CPSF7: variants seen among roughly 807,000 people sequenced by gnomAD.
CPSF7 encodes the protein cleavage and polyadenylation specificity factor subunit 7.
A neutral mutation model predicts 44.3 loss-of-function variants in CPSF7; 1 was observed. The observed-to-expected ratio is 0.02, with a 90% CI of 0.01 to 0.11. The LOEUF (loss-of-function observed/expected upper bound fraction) is 0.11, where lower values mean the gene tolerates loss of function less well. CPSF7 is among the 10% of genes least tolerant of loss of function. CPSF7 has a pLI of 1.00. For synonymous variants in CPSF7, 202 were observed against 222.0 expected (o/e 0.91, Z 0.80); for missense variants, 443 against 607.2 (o/e 0.73, Z 2.84).
intron 7 of CPSF7, among the ~76,000 whole-genome samples, chr11:61,413,635 A>G (rs1212545656): frequency 7.0e-6 from 1 of 142,010 alleles, no homozygotes; most frequent in African/African-American, 2.8e-5. Context: ...CTTCGTCTCA[A>G]AAAAAAAAAA....
chr11:61,423,679 C>G (rs1417374197), intron 2 of CPSF7, among the ~76,000 whole-genome samples: 3 of 151,960 alleles, frequency 2.0e-5, no homozygotes, highest in Non-Finnish European at 4.4e-5. Flanking sequence ...TTGTCTAGTA[C>G]CCTGAAGAAA....
rs1330908665 is a variant in CPSF7, at chr11:61,421,591, A to G, written c.72T>C (p.Asn24=). 1.2e-6 allele frequency: 2 copies of G among 1,613,466 alleles called. No homozygotes were observed. The highest frequency in any genetic ancestry group is 1.7e-6 in the Non-Finnish European group (2 of 1,179,876). The change falls in exon 3 of 10, where the codon AAT becomes AAC. Residue 24 remains asparagine (N), a synonymous_variant. Coordinates refer to ENST00000439958, the MANE Select transcript of CPSF7 (RefSeq NM_001142565.3). ...CATCATACAGGTCAATCTGATCTGT[A>G]TTGTTGAACTCTGGGTCCTAAGAGA... The part of the protein sequence containing the change: ...EEFNQDPEFN[N]TDQIDLYDDV...
intron 4 of CPSF7, 32 bp downstream of exon 4, chr11:61,420,438 A>T: frequency 6.4e-7 from 1 of 1,551,418 alleles, no homozygotes; most frequent in South Asian, 1.1e-5. Context: ...ATGGTTACAA[A>T]TTAAAAGGGG....
chr11:61,419,496 T>C (rs1590712377), intron 5 of CPSF7, among the ~76,000 whole-genome samples: 1 of 152,354 alleles, frequency 6.6e-6, no homozygotes, highest in Non-Finnish European at 1.5e-5. Context: ...TATGAAAAGA[T>C]TATAGGCACC....
rs1043651070 is a variant in CPSF7 at position 61,413,656 on chromosome 11, T to C, written c.1058-1719A>G. On this transcript the variant is annotated intron_variant, in intron 7 of 9. Coordinates refer to ENST00000439958, the MANE Select transcript of CPSF7 (RefSeq NM_001142565.3). ...CTCAAAAAAAAAAAAAAAAAATTTA[T>C]GCTGTCATAAAAAACTAGGCCTTTC... 5.9e-5 allele frequency among the ~76,000 whole-genome samples: 9 copies of C among 151,552 alleles called. No individual in the cohort carries two copies. In the South Asian group the frequency reaches 1.0e-3, roughly 18 times the overall value.
Position 61,404,396 on chromosome 11 carries a change from T to C in CPSF7, c.*314A>G, listed in dbSNP as rs1167099074. 1 of 152,620 alleles carries C rather than the reference T, an allele frequency of 6.6e-6. No homozygotes were observed. The highest frequency in any genetic ancestry group is 2.4e-5 in the African/African-American group (1 of 41,434). The allele number at this position is 152,620 out of a possible 1,614,324, so 9.5% of individuals were successfully genotyped here. On this transcript the variant is annotated 3_prime_UTR_variant, in exon 10 of 10. Transcript: ENST00000439958. ...CGGCTCCCGGAGAATCAGAAACTCATACGTTTTCTTGGACAAAGCACCATT... is the reference window on the plus strand; with the variant it reads ...CGGCTCCCGGAGAATCAGAAACTCACACGTTTTCTTGGACAAAGCACCATT...
intron 7 of CPSF7, among the ~76,000 whole-genome samples, chr11:61,413,930 C>T (rs527741600): frequency 9.3e-4 from 142 of 152,172 alleles, no homozygotes; most frequent in African/African-American, 3.3e-3. Flanking sequence ...TCCATCCTGG[C>T]AGGGAATTTT....
chr11:61,419,960 T>A lies in CPSF7; in HGVS notation c.512A>T (p.Gln171Leu), dbSNP rs1281252280. ...TRQNLSQFEA[Q>L]ARKRIPPRAH... ...TCGGACACACTCACGTTTCCGAGCCTGTGCCTCAAACTGTGACAGGTTCTG... is the reference window on the plus strand; with the variant it reads ...TCGGACACACTCACGTTTCCGAGCCAGTGCCTCAAACTGTGACAGGTTCTG... The change falls in exon 5 of 10, where the codon CAG becomes CTG. Residue 171 changes from glutamine to leucine, a missense_variant. By Grantham distance (113) the Gln-to-Leu change is moderately radical. Coordinates refer to ENST00000439958, the MANE Select transcript of CPSF7 (RefSeq NM_001142565.3). 1 of 1,613,780 alleles carries A rather than the reference T, an allele frequency of 6.2e-7. No homozygotes were observed. The highest frequency in any genetic ancestry group is 8.5e-7 in the Non-Finnish European group (1 of 1,179,968).
intron 7 of CPSF7, 36 bp downstream of exon 7, chr11:61,415,630 T>C (rs779546119): frequency 7.3e-7 from 1 of 1,365,424 alleles, no homozygotes; most frequent in Non-Finnish European, 1.0e-6. Flanking sequence ...AAAGTAAAGG[T>C]TAAGGAGAAG....
intron 9 of CPSF7, among the ~76,000 whole-genome samples, chr11:61,404,931 T>C (rs754141444): frequency 1.3e-5 from 2 of 152,084 alleles, no homozygotes; most frequent in Non-Finnish European, 2.9e-5. Context: ...AAAAAAGCAG[T>C]GACATCCACT....
At position 61,429,935 on chromosome 11, in the gene CPSF7, G is replaced by T. The variant is rs1443775666; in HGVS notation, c.-77C>A. ...TTACCGGGAATATGGCGGCGGCGGC[G>T]GCGAGTCCGGACTAGGCCCGAAGCG... On this transcript the variant is annotated 5_prime_UTR_variant, in exon 1 of 10. Coordinates refer to ENST00000439958, the MANE Select transcript of CPSF7 (RefSeq NM_001142565.3). The T allele has an allele frequency of 3.5e-6, 5 of 1,432,012 alleles. No homozygotes were observed. The African/African-American group carries it at 5.8e-5, about 17-fold the overall frequency. The allele number at this position is 1,432,012 out of a possible 1,614,324, so 88.7% of individuals were successfully genotyped here. A position where few individuals can be genotyped will look rare whatever the true frequency, so the allele number is the denominator to read the frequency against.
intron 1 of CPSF7, 22 bp downstream of exon 1, chr11:61,429,892 C>T: frequency 6.6e-7 from 1 of 1,516,222 alleles, no homozygotes; most frequent in Non-Finnish European, 8.8e-7. Context: ...CCAACCTGCC[C>T]CCGACCGCGC....
chr11:61,421,507 A>T lies in CPSF7; in HGVS notation c.156T>A (p.Pro52=), dbSNP rs765968768. 12 of 1,613,832 alleles carry T rather than the reference A, an allele frequency of 7.4e-6. No homozygotes were observed. Among genetic ancestry groups the T allele is most frequent in the Middle Eastern group, 1.6e-4 (1 of 6,078 alleles). Residue 52 remains proline, a synonymous_variant, in exon 3 of 10, where the codon CCT becomes CCA. Coordinates refer to ENST00000439958, the MANE Select transcript of CPSF7 (RefSeq NM_001142565.3). ...SDDRSSSTEP[P]PPVRQEPSPK... ...GAGATGGCTCCTGGCGAACAGGAGG[A>T]GGTGGTTCAGTGCTGCTGCTTCTGT...
Position 61,412,842 on chromosome 11 carries a change from T to C in CPSF7, c.1058-905A>G, listed in dbSNP as rs1859977822. ...TTGAAACAAGCAAGTTTCAAAACCA[T>C]ATCCTGTTTTTGTAAAAACAATAAA... On this transcript the variant is annotated intron_variant, in intron 7 of 9. Transcript: ENST00000439958. Among the ~76,000 whole-genome samples the C allele has an allele frequency of 2.0e-5, 3 of 152,222 alleles. No individual in the cohort carries two copies. The South Asian group carries it at 6.2e-4, about 31-fold the overall frequency.
intron 2 of CPSF7, among the ~76,000 whole-genome samples, chr11:61,424,046 A>G (rs1861135858): frequency 6.6e-6 from 1 of 152,234 alleles, no homozygotes; most frequent in African/African-American, 2.4e-5. Flanking sequence ...ATCAAGAGAC[A>G]GTAAACTTTT....
Position 61,403,336 on chromosome 11 carries a change from C to G in CPSF7, c.*1374G>C, listed in dbSNP as rs930512594. ...GTGTCAGATGCCCTGTAGATGCATG[C>G]AGAAGTAGCATCACCCCATGGGTAC... On this transcript the variant is annotated 3_prime_UTR_variant, in exon 10 of 10. Transcript: ENST00000439958. 4.6e-5 allele frequency: 7 copies of G among 152,180 alleles called. No homozygotes were observed. Among genetic ancestry groups the G allele is most frequent in the African/African-American group, 1.7e-4 (7 of 41,440 alleles). 9.4% of individuals were successfully genotyped at this position (152,180 alleles called of 1,614,324 possible). A position where few individuals can be genotyped will look rare whatever the true frequency, so the allele number is the denominator to read the frequency against.
At chr11:61,418,007 AT>A (rs1234999703) in intron 5 of CPSF7, among the ~76,000 whole-genome samples, 4 of 152,220 alleles carry the variant, frequency 2.6e-5, no homozygotes, top group African/African-American at 9.6e-5. Flanking sequence ...CAGTTGTAAA[AT>A]TACATACCTA....
In CPSF7 at chr11:61,404,470, C is replaced by G. The variant is rs1859128389; in HGVS notation, c.*240G>C. 1 of 152,692 alleles carries G rather than the reference C, an allele frequency of 6.5e-6. No individual in the cohort carries two copies. Among genetic ancestry groups the G allele is most frequent in the South Asian group, 2.1e-4 (1 of 4,830 alleles). The allele number at this position is 152,692 out of a possible 1,614,324, so 9.5% of individuals were successfully genotyped here. On this transcript the variant is annotated 3_prime_UTR_variant, in exon 10 of 10. Coordinates refer to ENST00000439958, the MANE Select transcript of CPSF7 (RefSeq NM_001142565.3). ...ACATGTTTTCTTCCTGTCTGCCACC[C>G]CTCCCAATCACACGAAGTCTTTAGG...
At position 61,429,775 on chromosome 11, in the gene CPSF7, C is replaced by T. The variant is rs1451950287; in HGVS notation, c.-56+139G>A. On this transcript the variant is annotated intron_variant, in intron 1 of 9. Coordinates refer to ENST00000439958, the MANE Select transcript of CPSF7 (RefSeq NM_001142565.3). Reference sequence around the variant, plus strand: ...GACAAACCCGGCCCGGCGCGCTCTGCCTCCTCCCTCAAAAGGCCCGCGACT... The same window carrying T: ...GACAAACCCGGCCCGGCGCGCTCTGTCTCCTCCCTCAAAAGGCCCGCGACT... 4 of 1,543,956 alleles carry T rather than the reference C, an allele frequency of 2.6e-6. No individual in the cohort carries two copies. In the Admixed American group the frequency reaches 5.9e-5, roughly 23 times the overall value.
Sources: allele counts gnomAD v4.1 joint callset (sites outside exome capture counted in the v4.1 genomes callset), GRCh38; gene constraint gnomAD v4.1.1; transcripts MANE v1.5; gene names NCBI Gene and HGNC (gene_info 2026-07-23, HGNC 2026-07-21).